The following VWF variants were observed in gnomAD, a reference collection of about 807,000 sequenced individuals.
The protein encoded by VWF is von Willebrand factor, also known as Factor VIII related antigen.
VWF carries 176 observed loss-of-function variants against 308.6 expected under a neutral mutation model. That is an observed-to-expected ratio of 0.57 (90% confidence interval 0.50 to 0.65). The LOEUF is 0.65. Among genes scored for constraint, VWF ranks in the 30% least tolerant of loss-of-function variants. The pLI, the probability that VWF is intolerant of heterozygous loss-of-function variation, is 0.00. For synonymous variants in VWF, 1,385 were observed against 1,443.4 expected (o/e 0.96, Z 0.92); for missense variants, 3,146 against 3,648.2 (o/e 0.86, Z 3.55).
intron 20 of VWF, among the ~76,000 whole-genome samples, chr12:6,032,923 C>CA (rs1944287373): frequency 6.6e-6 from 1 of 151,976 alleles, no homozygotes; most frequent in Non-Finnish European, 1.5e-5. Flanking sequence ...GCCATACACA[C>CA]ACACGCGCTC....
chr12:5,952,283 G>C, intron 49 of VWF, 108 bp downstream of exon 49: 8 of 1,461,016 alleles, frequency 5.5e-6, no homozygotes, highest in Non-Finnish European at 6.7e-6. Context: ...GGCCAGAGAT[G>C]TGCCTCAGAC....
At chr12:6,053,871 G>C (rs1022822086) in intron 15 of VWF, among the ~76,000 whole-genome samples, 3 of 152,218 alleles carry the variant, frequency 2.0e-5, no homozygotes, top group African/African-American at 4.8e-5. Context: ...TCCCAAGAAG[G>C]AAGGAGTGTT....
intron 34 of VWF, among the ~76,000 whole-genome samples, chr12:6,002,238 AGAAATCCAT>A (rs1348925042): frequency 1.5e-4 from 23 of 151,934 alleles, no homozygotes; most frequent in Admixed American, 1.5e-3. Context: ...GGATAAAAGC[AGAAATCCAT>A]AAAGTAGAGA....
chr12:5,985,994 T>C (rs1225262806), intron 38 of VWF, among the ~76,000 whole-genome samples: 7 of 152,204 alleles, frequency 4.6e-5, no homozygotes, highest in East Asian at 1.9e-4. Context: ...AAAGGAGAAA[T>C]TGGGTTGTTG....
At chr12:5,979,259 C>T (rs911218396) in intron 42 of VWF, among the ~76,000 whole-genome samples, 20 of 152,210 alleles carry the variant, frequency 1.3e-4, no homozygotes, top group Admixed American at 2.6e-4. Flanking sequence ...TTCTTTCTTA[C>T]GGGAGAATTC....
Position 6,046,887 on chromosome 12 carries a change from T to C in VWF, c.2187-70A>G. The C allele has an allele frequency of 7.3e-7, 1 of 1,378,374 alleles. No homozygotes were observed. Among genetic ancestry groups the C allele is most frequent in the Non-Finnish European group, 1.0e-6 (1 of 984,074 alleles). The allele number at this position is 1,378,374 out of a possible 1,614,324, so 85.4% of individuals were successfully genotyped here. A position where few individuals can be genotyped will look rare whatever the true frequency, so the allele number is the denominator to read the frequency against. ...TACTCGCTGCCTCCACATCTTCACC[T>C]CCCACTCACTCTCTGCCCCTTCCAA... On this transcript the variant is annotated intron_variant, in intron 16 of 51. Coordinates refer to ENST00000261405, the MANE Select transcript of VWF (RefSeq NM_000552.5). The surrounding 1 kb of genome is among the most constrained non-coding windows in gnomAD (Gnocchi z 5.0).
chr12:6,029,631 T>G, intron 21 of VWF, 143 bp from the exon 22 acceptor site: 1 of 1,077,876 alleles, frequency 9.3e-7, no homozygotes, highest in East Asian at 2.6e-5. Context: ...CACCTGCCAC[T>G]GCACCCCTGC....
At chr12:6,037,010 T>C (rs1371012028) in intron 18 of VWF, among the ~76,000 whole-genome samples, 3 of 152,180 alleles carry the variant, frequency 2.0e-5, no homozygotes, top group Admixed American at 1.3e-4. Flanking sequence ...GCCAGTATCC[T>C]ATGGTGCTAT....
At chr12:6,014,310 G>T (rs375315460) in intron 31 of VWF, among the ~76,000 whole-genome samples, 8 of 152,328 alleles carry the variant, frequency 5.3e-5, no homozygotes, top group Middle Eastern at 3.4e-3. Context: ...CAAGACTACA[G>T]AGCAGAGGGA....
At chr12:6,014,134 G>A (rs1334912807) in intron 31 of VWF, among the ~76,000 whole-genome samples, 3 of 152,036 alleles carry the variant, frequency 2.0e-5, no homozygotes, top group Non-Finnish European at 4.4e-5. Context: ...GACATCCCAA[G>A]CAGAGAGAAG....
chr12:6,060,108 G>A lies in VWF; in HGVS notation c.1534-2064C>T, dbSNP rs1238030852. On this transcript the variant is annotated intron_variant, in intron 13 of 51. Transcript: ENST00000261405. This position sits in a 1 kb window ranked among gnomAD's most constrained non-coding sequence, Gnocchi z 5.1. Reference sequence around the variant, plus strand: ...CAGCTCGGCCAGGGTTAGGAGAGTGGGGGCGACACTTAGAGACTCTCTTAG... The same window carrying A: ...CAGCTCGGCCAGGGTTAGGAGAGTGAGGGCGACACTTAGAGACTCTCTTAG... Among the ~76,000 whole-genome samples, 1 of 151,932 alleles carries A rather than the reference G, an allele frequency of 6.6e-6. No homozygotes were observed. The highest frequency in any genetic ancestry group is 1.5e-5 in the Non-Finnish European group (1 of 67,982).
chr12:6,091,458 T>C (rs1293255050), intron 6 of VWF, among the ~76,000 whole-genome samples: 3 of 152,200 alleles, frequency 2.0e-5, no homozygotes, highest in Non-Finnish European at 4.4e-5. Flanking sequence ...CCAATTTCCA[T>C]TCATCCACCC....
chr12:6,056,529 T>G (rs1225322220), intron 15 of VWF, among the ~76,000 whole-genome samples: 1 of 152,170 alleles, frequency 6.6e-6, no homozygotes, highest in African/African-American at 2.4e-5. Context: ...CTCCACAGCC[T>G]GACCTTCTGT....
At chr12:6,111,091 G>T in intron 3 of VWF, 123 bp from the exon 4 acceptor site, 1 of 831,146 alleles carries the variant, frequency 1.2e-6, no homozygotes, top group Non-Finnish European at 2.0e-6. Flanking sequence ...GTCTTTACAA[G>T]CGAGCAACAA....
At chr12:6,112,277 A>C (rs945341597) in intron 3 of VWF, among the ~76,000 whole-genome samples, 1 of 152,212 alleles carries the variant, frequency 6.6e-6, no homozygotes, top group Non-Finnish European at 1.5e-5. Context: ...AGCATGAAAG[A>C]GGAAACACAG....
intron 17 of VWF, 22 bp from the exon 18 acceptor site, chr12:6,044,473 G>A (rs1944426871): frequency 6.2e-7 from 1 of 1,612,644 alleles, no homozygotes; most frequent in African/African-American, 1.3e-5. Context: ...GAAAAGCAAA[G>A]AGATGATTAG....
chr12:6,051,857 C>T (rs1179443161), intron 16 of VWF, among the ~76,000 whole-genome samples: 1 of 152,150 alleles, frequency 6.6e-6, no homozygotes, highest in African/African-American at 2.4e-5. Flanking sequence ...AGCATTCCTC[C>T]CACTTCCACC....
intron 10 of VWF, among the ~76,000 whole-genome samples, 196 bp downstream of exon 10, chr12:6,071,101 C>T (rs1371979063): frequency 6.6e-6 from 1 of 152,196 alleles, no homozygotes; most frequent in Non-Finnish European, 1.5e-5. Flanking sequence ...TTGCAGGGCT[C>T]CCACCTCTGG....
In VWF at chr12:5,949,834, C is replaced by T. The variant is rs1194517258; in HGVS notation, c.8205G>A (p.Lys2735=). 6.2e-7 allele frequency: 1 copy of T among 1,614,168 alleles called. No individual in the cohort carries two copies. Among genetic ancestry groups the T allele is most frequent in the Non-Finnish European group, 8.5e-7 (1 of 1,180,026 alleles). Residue 2735 remains lysine (K), a synonymous_variant, in exon 51 of 52, where the codon AAG becomes AAA. Coordinates refer to ENST00000261405, the MANE Select transcript of VWF (RefSeq NM_000552.5). ...CTACTTCAGACTTACAGCTTCCCAC[C>T]TTGACATACTGCAGCCTGGCAGTGA... ...NDITARLQYV[K]VGSCKSEVEV...
Sources: gnomAD v4.1 joint callset for allele counts (sites outside exome capture counted in the v4.1 genomes callset) on GRCh38, gnomAD v4.1.1 for gene constraint, Gnocchi (gnomAD v3.1) non-coding constraint, MANE v1.5 for transcripts, NCBI Gene and HGNC (gene_info 2026-07-23, HGNC 2026-07-21) for gene names.